The following CACNA1A variants were observed in gnomAD, a reference collection of about 807,000 sequenced individuals.
CACNA1A encodes calcium voltage-gated channel subunit alpha1 A.
CACNA1A carries 57 observed loss-of-function variants against 262.4 expected under a neutral mutation model. That is an observed-to-expected ratio of 0.22 (90% CI 0.18 to 0.27). The LOEUF (loss-of-function observed/expected upper bound fraction) is 0.27. Among genes scored for constraint, CACNA1A ranks in the 10% least tolerant of loss-of-function variants. The pLI is 1.00. For missense variants in CACNA1A, 2,526 were observed against 3,562.8 expected, an observed-to-expected ratio of 0.71 and a Z score of 7.41; for synonymous variants, 1,431 against 1,419.3, an observed-to-expected ratio of 1.01 and a Z score of -0.18.
intron 9 of CACNA1A, among the ~76,000 whole-genome samples, chr19:13,331,948 C>A (rs1407516481): frequency 6.6e-6 from 1 of 152,224 alleles, no homozygotes; most frequent in Non-Finnish European, 1.5e-5. Context: ...ATGTGAGCCA[C>A]AGACAGACCG....
At chr19:13,293,467 A>C (rs1172712870) in intron 19 of CACNA1A, among the ~76,000 whole-genome samples, 2 of 80,648 alleles carry the variant, frequency 2.5e-5, no homozygotes, top group Non-Finnish European at 4.8e-5. Flanking sequence ...TTTTTTTGAG[A>C]TGGAGTCTCG....
chr19:13,207,878 TG>T lies in CACNA1A; in HGVS notation c.6955del (p.Gln2319SerfsTer289), dbSNP rs1356015213. 7.1e-7 allele frequency: 1 copy of T among 1,409,050 alleles called. No individual in the cohort carries two copies. The highest frequency in any genetic ancestry group is 2.4e-5 in the Admixed American group (1 of 40,886). The allele number at this position is 1,409,050 out of a possible 1,614,324, so 87.3% of individuals were successfully genotyped here. On this transcript the variant is annotated frameshift_variant, in exon 47 of 47. Transcript: ENST00000360228. LOFTEE classifies it low-confidence loss of function (END_TRUNC). This position sits in a 1 kb window ranked among gnomAD's most constrained non-coding sequence, Gnocchi z 5.7. ...SGPPQQQQQQ[Q>X]QQQQQQAVAR... ...CACCGCCTGCTGCTGCTGCTGCTGC[TG>T]CTGCTGCTGCTGCTGCTGCGGGGGC...
chr19:13,355,068 G>A (rs1308036043), intron 6 of CACNA1A, among the ~76,000 whole-genome samples: 1 of 151,994 alleles, frequency 6.6e-6, no homozygotes, highest in South Asian at 2.1e-4. Flanking sequence ...TAGAGATGGG[G>A]TTTCACCATG....
At chr19:13,436,951 T>C (rs924564743) in intron 3 of CACNA1A, among the ~76,000 whole-genome samples, 1 of 152,246 alleles carries the variant, frequency 6.6e-6, no homozygotes, top group Non-Finnish European at 1.5e-5. Flanking sequence ...TGAGTACACA[T>C]GTGGCACAAC....
intron 1 of CACNA1A, among the ~76,000 whole-genome samples, chr19:13,469,944 C>T (rs1272869767): frequency 6.6e-6 from 1 of 151,998 alleles, no homozygotes. Context: ...TGGAAAAAAT[C>T]CATCCCTGCA....
intron 36 of CACNA1A, among the ~76,000 whole-genome samples, chr19:13,228,236 G>C (rs10404888): frequency 1.3e-5 from 2 of 151,600 alleles, no homozygotes; most frequent in Non-Finnish European, 2.9e-5. Context: ...GTTGGGTCAC[G>C]TTCTCTGGTT....
At chr19:13,353,292 T>C (rs1465033508) in intron 6 of CACNA1A, among the ~76,000 whole-genome samples, 1 of 142,414 alleles carries the variant, frequency 7.0e-6, no homozygotes, top group Non-Finnish European at 1.5e-5. Context: ...CTGATTTTTG[T>C]ATTTTTGTTT....
chr19:13,324,693 C>A (rs750063566), intron 10 of CACNA1A, among the ~76,000 whole-genome samples: 10 of 147,846 alleles, frequency 6.8e-5, no homozygotes, highest in Non-Finnish European at 1.3e-4. Flanking sequence ...CATAGCCAGA[C>A]CCCATCTCAA....
At chr19:13,285,899 A>G (rs2057385597) in intron 20 of CACNA1A, among the ~76,000 whole-genome samples, 1 of 150,078 alleles carries the variant, frequency 6.7e-6, no homozygotes, top group African/African-American at 2.5e-5. Flanking sequence ...AAAATCTCTC[A>G]CATAGAACTG....
chr19:13,340,520 G>A (rs528892731), intron 6 of CACNA1A, among the ~76,000 whole-genome samples: 2 of 150,878 alleles, frequency 1.3e-5, no homozygotes, highest in African/African-American at 4.9e-5. Context: ...TCTACATCCT[G>A]GGTTCAAGCA....
Position 13,212,838 on chromosome 19 carries a change from A to T in CACNA1A, c.5941-98T>A. On this transcript the variant is annotated intron_variant, in intron 40 of 46. Transcript: ENST00000360228. The surrounding 1 kb of genome is among the most constrained non-coding windows in gnomAD (Gnocchi z 5.6). The stretch of plus-strand genomic sequence containing the variant: ...CGACATCCCCAGTATACACACACAC[A>T]CACACACACACTCTCTCAGGTCTCA... 1 of 581,000 alleles carries T rather than the reference A, an allele frequency of 1.7e-6. No individual in the cohort carries two copies. Among genetic ancestry groups the T allele is most frequent in the East Asian group, 2.9e-5 (1 of 34,700 alleles). The allele number at this position is 581,000 out of a possible 1,614,324, so 36.0% of individuals were successfully genotyped here.
At chr19:13,409,270 A>C (rs2060067912) in intron 3 of CACNA1A, among the ~76,000 whole-genome samples, 1 of 152,162 alleles carries the variant, frequency 6.6e-6, no homozygotes, top group Admixed American at 6.5e-5. Context: ...AAGACTTAAA[A>C]TCTGGCAAGA....
chr19:13,382,404 G>T (rs1247276084), intron 3 of CACNA1A, among the ~76,000 whole-genome samples: 1 of 152,122 alleles, frequency 6.6e-6, no homozygotes, highest in African/African-American at 2.4e-5. Flanking sequence ...CTCCCAAGAT[G>T]CATTACCTCA....
intron 1 of CACNA1A, among the ~76,000 whole-genome samples, chr19:13,469,943 T>G (rs2061321354): frequency 6.6e-6 from 1 of 151,934 alleles, no homozygotes. Flanking sequence ...CTGGAAAAAA[T>G]CCATCCCTGC....
intron 1 of CACNA1A, among the ~76,000 whole-genome samples, chr19:13,455,803 G>A (rs1262170072): frequency 6.7e-6 from 1 of 149,910 alleles, no homozygotes; most frequent in Admixed American, 6.7e-5. Flanking sequence ...CGAGGAGGTA[G>A]AGGCTGCAGT....
intron 22 of CACNA1A, among the ~76,000 whole-genome samples, chr19:13,278,115 A>G (rs1275667613): frequency 1.3e-5 from 2 of 150,362 alleles, no homozygotes; most frequent in Non-Finnish European, 3.0e-5. Flanking sequence ...AGATCCACCC[A>G]GAAGCTGCAA....
intron 4 of CACNA1A, 27 bp from the exon 5 acceptor site, chr19:13,365,496 T>C (rs781446654): frequency 1.2e-6 from 2 of 1,609,058 alleles, no homozygotes; most frequent in Non-Finnish European, 1.7e-6. Flanking sequence ...AGAGGCCCCA[T>C]AAGCCCATGA....
rs189046599 is a variant in CACNA1A, at chr19:13,481,352, C to T, written c.293+24580G>A. ...GAACTTGGTCCTGTCTACCTCTCAC[C>T]TCATTGTCCTAGACCTGGGAGTGGG... On this transcript the variant is annotated intron_variant, in intron 1 of 46. Coordinates refer to ENST00000360228, the MANE Select transcript of CACNA1A (RefSeq NM_001127222.2). 2.6e-5 allele frequency among the ~76,000 whole-genome samples: 4 copies of T among 152,316 alleles called. No individual in the cohort carries two copies. The East Asian group carries it at 7.7e-4, about 29-fold the overall frequency.
chr19:13,465,048 C>T (rs544795423), intron 1 of CACNA1A, among the ~76,000 whole-genome samples: 1 of 152,208 alleles, frequency 6.6e-6, no homozygotes, highest in Non-Finnish European at 1.5e-5. Context: ...CCTGCCTCAG[C>T]CTCCCGAGTA....
Sources: allele counts gnomAD v4.1 joint callset (sites outside exome capture counted in the v4.1 genomes callset), GRCh38; gene constraint gnomAD v4.1.1; non-coding constraint Gnocchi (gnomAD v3.1); transcripts MANE v1.5; gene names NCBI Gene and HGNC (gene_info 2026-07-23, HGNC 2026-07-21).